Variants in GNAT3 observed in about 807,000 individuals in gnomAD.
GNAT3 encodes the protein guanine nucleotide-binding protein G(t) subunit alpha-3.
Under a neutral mutation model 37.7 loss-of-function variants are expected in GNAT3, and 31 were observed. That is an observed-to-expected ratio of 0.82 (90% CI 0.62 to 1.11). The LOEUF (loss-of-function observed/expected upper bound fraction) is 1.11. Among genes scored for constraint, GNAT3 ranks in the 50% most tolerant of loss-of-function variants. The pLI is 0.00. For synonymous variants in GNAT3, 138 were observed against 139.8 expected, an observed-to-expected ratio of 0.99 and a Z score of 0.09; for missense variants, 437 against 412.5, an observed-to-expected ratio of 1.06 and a Z score of -0.51.
At chr7:80,485,580 A>C (rs1213188195) in intron 3 of GNAT3, among the ~76,000 whole-genome samples, 1 of 152,156 alleles carries the variant, frequency 6.6e-6, no homozygotes. Flanking sequence ...TCTCCTGATG[A>C]CAAATATTAT....
At chr7:80,479,362 A>G (rs946234012) in intron 3 of GNAT3, among the ~76,000 whole-genome samples, 2 of 152,112 alleles carry the variant, frequency 1.3e-5, no homozygotes, top group African/African-American at 2.4e-5. Flanking sequence ...AGCTGATTTA[A>G]TCTGGTATCT....
chr7:80,505,131 C>G (rs1034519744), intron 1 of GNAT3, among the ~76,000 whole-genome samples: 1 of 152,042 alleles, frequency 6.6e-6, no homozygotes, highest in Non-Finnish European at 1.5e-5. Context: ...AGAAGTGTAT[C>G]AGGAAAATGG....
intron 1 of GNAT3, among the ~76,000 whole-genome samples, chr7:80,502,205 G>A (rs1304766092): frequency 2.6e-4 from 39 of 151,940 alleles, no homozygotes; most frequent in Non-Finnish European, 7.4e-5. Flanking sequence ...TTGTGGTGAC[G>A]ATTTCACAGG....
chr7:80,492,928 A>G (rs537848779), intron 2 of GNAT3, among the ~76,000 whole-genome samples: 6 of 152,056 alleles, frequency 3.9e-5, no homozygotes, highest in African/African-American at 1.4e-4. Flanking sequence ...ACTAAAATAC[A>G]TTATCTATTG....
chr7:80,469,748 GA>G (rs1215796918), intron 5 of GNAT3, among the ~76,000 whole-genome samples: 2 of 151,966 alleles, frequency 1.3e-5, no homozygotes, highest in Non-Finnish European at 2.9e-5. Context: ...GGCACTTGCT[GA>G]AAAAAAGTTG....
intron 3 of GNAT3, among the ~76,000 whole-genome samples, chr7:80,482,406 C>T (rs1790405305): frequency 6.6e-6 from 1 of 152,136 alleles, no homozygotes; most frequent in Non-Finnish European, 1.5e-5. Flanking sequence ...TATATCTTGT[C>T]AGCATAGCTT....
At position 80,462,219 on chromosome 7, in the gene GNAT3, C is replaced by CT. The variant is rs773661516; in HGVS notation, c.813dup (p.Asp272ArgfsTer13). 3.1e-6 allele frequency: 5 copies of CT among 1,607,326 alleles called. 1 individual carries two copies. In the South Asian group the frequency reaches 5.6e-5, roughly 18 times the overall value. ...TTGGTTACCTTTTCTTGAAAGATAT[C>CT]TTTTTTGTTGAGGAACAGGACAATG... is the stretch of plus-strand genomic sequence containing the variant. On this transcript the variant is annotated frameshift_variant, in exon 7 of 8. Coordinates refer to ENST00000398291, the MANE Select transcript of GNAT3 (RefSeq NM_001102386.3). LOFTEE classifies it high-confidence loss of function.
chr7:80,469,574 T>C (rs924187328), intron 5 of GNAT3, among the ~76,000 whole-genome samples: 1 of 152,184 alleles, frequency 6.6e-6, no homozygotes, highest in Non-Finnish European at 1.5e-5. Flanking sequence ...ACAATTATGA[T>C]ACAGTACATT....
intron 5 of GNAT3, among the ~76,000 whole-genome samples, chr7:80,470,113 A>G (rs1584170595): frequency 6.6e-6 from 1 of 152,264 alleles, no homozygotes; most frequent in East Asian, 1.9e-4. Flanking sequence ...GCCTTTAATA[A>G]CATTGTCTTG....
intron 3 of GNAT3, among the ~76,000 whole-genome samples, chr7:80,482,488 CTTTTTCTTTT>C (rs1219027374): frequency 6.6e-6 from 1 of 150,884 alleles, no homozygotes; most frequent in African/African-American, 2.4e-5. Flanking sequence ...TTTTTTCTTT[CTTTTTCTTTT>C]TTGTTTTTTT....
chr7:80,487,334 G>A (rs531124562), intron 3 of GNAT3, among the ~76,000 whole-genome samples: 1 of 152,158 alleles, frequency 6.6e-6, no homozygotes, highest in Non-Finnish European at 1.5e-5. Context: ...GAGGGAAACT[G>A]TAGCCAGAGA....
At chr7:80,505,426 G>A (rs1186713035) in intron 1 of GNAT3, among the ~76,000 whole-genome samples, 1 of 152,114 alleles carries the variant, frequency 6.6e-6, no homozygotes, top group African/African-American at 2.4e-5. Flanking sequence ...GAGTGCAGTG[G>A]CACAATCTCG....
intron 3 of GNAT3, among the ~76,000 whole-genome samples, chr7:80,483,708 G>A (rs191408112): frequency 1.3e-5 from 2 of 151,792 alleles, no homozygotes; most frequent in East Asian, 3.9e-4. Context: ...CCTCATTTCA[G>A]CGCATTTCAG....
At chr7:80,476,141 A>T (rs1164784200) in intron 4 of GNAT3, among the ~76,000 whole-genome samples, 1 of 152,026 alleles carries the variant, frequency 6.6e-6, no homozygotes, top group Non-Finnish European at 1.5e-5. Flanking sequence ...TCATTTCATG[A>T]TACCTAAATG....
In GNAT3 at chr7:80,462,209, T is replaced by G; in HGVS notation, c.824A>C (p.Gln275Pro). 6.2e-7 allele frequency: 1 copy of G among 1,602,854 alleles called. No homozygotes were observed. The highest frequency in any genetic ancestry group is 8.5e-7 in the Non-Finnish European group (1 of 1,173,630). ...AAGATGCACCTTGGTTACCTTTTCT[T>G]GAAAGATATCTTTTTTGTTGAGGAA... is the stretch of plus-strand genomic sequence containing the variant. ...VLFLNKKDIF[Q>P]EKVTKVHLSI... The change falls in exon 7 of 8, where the codon CAA becomes CCA. Residue 275 changes from glutamine to proline, a missense_variant. By Grantham distance (76) the Gln-to-Pro change is moderately conservative. Transcript: ENST00000398291.
chr7:80,493,649 C>T (rs1790642673), intron 2 of GNAT3, among the ~76,000 whole-genome samples: 1 of 128,542 alleles, frequency 7.8e-6, no homozygotes, highest in Non-Finnish European at 1.5e-5. Flanking sequence ...CCTCCTCCTC[C>T]TCCTCTTTCC....
chr7:80,482,985 G>A (rs2116179657), intron 3 of GNAT3, among the ~76,000 whole-genome samples: 1 of 152,082 alleles, frequency 6.6e-6, no homozygotes, highest in East Asian at 1.9e-4. Context: ...TATCCTATCA[G>A]GTTGGTTTTT....
At chr7:80,495,904 C>T (rs896355144) in intron 1 of GNAT3, among the ~76,000 whole-genome samples, 1 of 152,036 alleles carries the variant, frequency 6.6e-6, no homozygotes, top group Admixed American at 6.6e-5. Flanking sequence ...GAGCTATTTG[C>T]TTTTTTCTCG....
chr7:80,494,668 T>A, intron 1 of GNAT3, 21 bp from the exon 2 acceptor site: 1 of 1,387,792 alleles, frequency 7.2e-7, no homozygotes, highest in Non-Finnish European at 1.0e-6. Context: ...AAAAGAGGAA[T>A]ATTATTAACT....
Sources: allele counts gnomAD v4.1 joint callset (sites outside exome capture counted in the v4.1 genomes callset), GRCh38; gene constraint gnomAD v4.1.1; transcripts MANE v1.5; gene names NCBI Gene and HGNC (gene_info 2026-07-23, HGNC 2026-07-21).